PTTG2: variants seen among roughly 807,000 people sequenced by gnomAD.
PTTG2 encodes the protein pituitary tumor-transforming 2, also known as securin-2.
For missense variants in PTTG2, 218 were observed against 226.3 expected, an observed-to-expected ratio of 0.96 and a Z score of 0.23; for synonymous variants, 90 against 84.2, an observed-to-expected ratio of 1.07 and a Z score of -0.37.
In PTTG2 at chr4:37,961,054, T is replaced by C. The variant is rs747950164; in HGVS notation, c.*44T>C. ...TGACATAGATATTTAAATTTCTTAG[T>C]GCTTTGGAGTTTGTGTGTACTTGTA... On this transcript the variant is annotated 3_prime_UTR_variant, in exon 1 of 1. Transcript: ENST00000504686. 6.2e-7 allele frequency: 1 copy of C among 1,604,804 alleles called. No individual in the cohort carries two copies. Among genetic ancestry groups the C allele is most frequent in the South Asian group, 1.1e-5 (1 of 90,876 alleles).
rs895897742 is a variant in PTTG2, at chr4:37,961,116, A to G, written c.*106A>G. 1.4e-6 allele frequency: 2 copies of G among 1,469,992 alleles called. No individual in the cohort carries two copies. The highest frequency in any genetic ancestry group is 1.9e-6 in the Non-Finnish European group (2 of 1,061,344). The allele number at this position is 1,469,992 out of a possible 1,614,324, so 91.1% of individuals were successfully genotyped here. ...TTATTTGTTTAACAACATAATAAATACATAAATATAAAGTGGGTCATATTC... is the reference window on the plus strand; with the variant it reads ...TTATTTGTTTAACAACATAATAAATGCATAAATATAAAGTGGGTCATATTC... On this transcript the variant is annotated 3_prime_UTR_variant, in exon 1 of 1. Coordinates refer to ENST00000504686, the MANE Select transcript of PTTG2 (RefSeq NM_006607.3).
chr4:37,960,821 C>T lies in PTTG2; in HGVS notation c.387C>T (p.Asp129=), dbSNP rs1213831692. The T allele has an allele frequency of 3.1e-6, 5 of 1,614,160 alleles. No individual in the cohort carries two copies. Among genetic ancestry groups the T allele is most frequent in the Admixed American group, 1.7e-5 (1 of 60,012 alleles). The change falls in exon 1 of 1, where the codon GAC becomes GAT. Residue 129 remains aspartate, a synonymous_variant. Coordinates refer to ENST00000504686, the MANE Select transcript of PTTG2 (RefSeq NM_006607.3). ...ATCTTCTAGACTTTGAGAGTTTTGA[C>T]CTGCCTGAAGAGCGCCAGATTGCAC... The part of the protein sequence containing the change: ...PFNLLDFESF[D]LPEERQIAHL...
At position 37,960,794 on chromosome 4, in the gene PTTG2, C is replaced by T. The variant is rs919185477; in HGVS notation, c.360C>T (p.Phe120=). The change falls in exon 1 of 1, where the codon TTC becomes TTT. Residue 120 remains phenylalanine, a synonymous_variant. Transcript: ENST00000504686. The stretch of plus-strand genomic sequence containing the variant: ...CAGAAATAGAAAAATTCTTTCCCTT[C>T]AATCTTCTAGACTTTGAGAGTTTTG... ...AYPEIEKFFP[F]NLLDFESFDL... 2 of 1,614,002 alleles carry T rather than the reference C, an allele frequency of 1.2e-6. No individual in the cohort carries two copies. Among genetic ancestry groups the T allele is most frequent in the African/African-American group, 2.7e-5 (2 of 74,924 alleles).
At position 37,960,448 on chromosome 4, in the gene PTTG2, T is replaced by A. The variant is rs1384338355; in HGVS notation, c.14T>A (p.Ile5Asn). Residue 5 changes from isoleucine (I) to asparagine (N), a missense_variant, in exon 1 of 1, where the codon ATC (isoleucine) becomes AAC (asparagine). Ile to Asn is a moderately radical substitution (Grantham distance 149, BLOSUM62 -3). Transcript: ENST00000504686. Reference protein sequence around the residue: MATLIYVDKEIGEPG... With the variant: MATLNYVDKEIGEPG... The stretch of plus-strand genomic sequence containing the variant: ...CAATAATCCAGAATGGCTACTCTGA[T>A]CTACGTTGATAAGGAAATTGGAGAA... 1 of 1,613,472 alleles carries A rather than the reference T, an allele frequency of 6.2e-7. No homozygotes were observed. The highest frequency in any genetic ancestry group is 8.5e-7 in the Non-Finnish European group (1 of 1,179,696).
chr4:37,960,887 G>A lies in PTTG2; in HGVS notation c.453G>A (p.Glu151=), dbSNP rs369718004. The part of the protein sequence containing the change: ...LSGVPLMILD[E]EGELEKLFQL... ...GAGTGCCTCTCATGATCCTTGATGA[G>A]GAGGGAGAGCTTGAAAAGCTGTTTC... Residue 151 remains glutamate, a synonymous_variant, in exon 1 of 1, where the codon GAG becomes GAA. Coordinates refer to ENST00000504686, the MANE Select transcript of PTTG2 (RefSeq NM_006607.3). The A allele has an allele frequency of 1.2e-6, 2 of 1,614,088 alleles. No homozygotes were observed. Among genetic ancestry groups the A allele is most frequent in the African/African-American group, 1.3e-5 (1 of 74,924 alleles).
rs1428212069 is a variant in PTTG2, at chr4:37,960,692, A to G, written c.258A>G (p.Pro86=). Residue 86 remains proline, a synonymous_variant, in exon 1 of 1, where the codon CCA becomes CCG. Coordinates refer to ENST00000504686, the MANE Select transcript of PTTG2 (RefSeq NM_006607.3). ...ATGGACCCAGAAAACAAAAACAGCC[A>G]AGCTTTTCTGCCAAAAAGATGACCG... ...KTNGPRKQKQ[P]SFSAKKMTEK... is the part of the protein sequence containing the mutation. 1 of 1,614,228 alleles carries G rather than the reference A, an allele frequency of 6.2e-7. No homozygotes were observed. Among genetic ancestry groups the G allele is most frequent in the East Asian group, 2.2e-5 (1 of 44,896 alleles).
rs373204780 is a variant in PTTG2, at chr4:37,960,738, A to T, written c.304A>T (p.Ser102Cys). The change falls in exon 1 of 1, where the codon AGT (serine) becomes TGT (cysteine). Residue 102 changes from serine (S) to cysteine (C), a missense_variant. Coordinates refer to ENST00000504686, the MANE Select transcript of PTTG2 (RefSeq NM_006607.3). ...KMTEKTVKTKSSVPASDDAYP... is the reference protein window; with the variant it reads ...KMTEKTVKTKCSVPASDDAYP... The stretch of plus-strand genomic sequence containing the variant: ...GACCGAGAAGACTGTTAAAACAAAA[A>T]GTTCTGTTCCTGCCTCAGATGACGC... The T allele has an allele frequency of 2.5e-6, 4 of 1,614,058 alleles. No individual in the cohort carries two copies. The highest frequency in any genetic ancestry group is 3.4e-6 in the Non-Finnish European group (4 of 1,180,038).
Position 37,960,723 on chromosome 4 carries a change from A to G in PTTG2, c.289A>G (p.Thr97Ala). The change falls in exon 1 of 1, where the codon ACT becomes GCT. Residue 97 changes from threonine to alanine, a missense_variant. Thr to Ala is a moderately conservative substitution (Grantham distance 58, BLOSUM62 0). Transcript: ENST00000504686. Reference sequence around the variant, plus strand: ...TTCTGCCAAAAAGATGACCGAGAAGACTGTTAAAACAAAAAGTTCTGTTCC... The same window carrying G: ...TTCTGCCAAAAAGATGACCGAGAAGGCTGTTAAAACAAAAAGTTCTGTTCC... ...SFSAKKMTEK[T>A]VKTKSSVPAS... 6.2e-7 allele frequency: 1 copy of G among 1,614,184 alleles called. No individual in the cohort carries two copies. The highest frequency in any genetic ancestry group is 8.5e-7 in the Non-Finnish European group (1 of 1,180,038).
Position 37,960,920 on chromosome 4 carries a change from C to T in PTTG2, c.486C>T (p.Gly162=), listed in dbSNP as rs768533112. Reference sequence around the variant, plus strand: ...AGCTTGAAAAGCTGTTTCAGCTGGGCCCCCCTTCACCTGTGAAAATGCCCT... The same window carrying T: ...AGCTTGAAAAGCTGTTTCAGCTGGGTCCCCCTTCACCTGTGAAAATGCCCT... The part of the protein sequence containing the change: ...EGELEKLFQL[G]PPSPVKMPSP... The change falls in exon 1 of 1, where the codon GGC becomes GGT. Residue 162 remains glycine, a synonymous_variant. Transcript: ENST00000504686. The T allele has an allele frequency of 2.2e-5, 35 of 1,613,970 alleles. No individual in the cohort carries two copies. The East Asian group carries it at 6.7e-4, about 31-fold the overall frequency.
Position 37,961,032 on chromosome 4 carries a change from C to T in PTTG2, c.*22C>T. 1 of 1,613,022 alleles carries T rather than the reference C, an allele frequency of 6.2e-7. No individual in the cohort carries two copies. The highest frequency in any genetic ancestry group is 1.1e-5 in the South Asian group (1 of 91,058). On this transcript the variant is annotated 3_prime_UTR_variant, in exon 1 of 1. Transcript: ENST00000504686. ...TTGAATTGCCAGCTGTTTGCTATGA[C>T]ATAGATATTTAAATTTCTTAGTGCT... is the stretch of plus-strand genomic sequence containing the variant.
In PTTG2 at chr4:37,960,421, G is replaced by A. The variant is rs771795685; in HGVS notation, c.-14G>A. The A allele has an allele frequency of 2.1e-5, 34 of 1,601,500 alleles. No individual in the cohort carries two copies. Among genetic ancestry groups the A allele is most frequent in the South Asian group, 1.0e-4 (9 of 88,968 alleles). On this transcript the variant is annotated 5_prime_UTR_variant, in exon 1 of 1. Coordinates refer to ENST00000504686, the MANE Select transcript of PTTG2 (RefSeq NM_006607.3). The stretch of plus-strand genomic sequence containing the variant: ...TTAGATGAATGTGGCTGTTGAGAGC[G>A]GCAATAATCCAGAATGGCTACTCTG...
At chr4:37,960,800 TC>T in the PTTG2 span, 4 of 1,614,164 alleles carry the variant, frequency 2.5e-6, no homozygotes, top group South Asian at 4.4e-5. Context: ...CCTTCAATCT[TC>T]TAGACTTTGA....
Position 37,960,769 on chromosome 4 carries a change from C to A in PTTG2, c.335C>A (p.Pro112Gln). 2.5e-6 allele frequency: 4 copies of A among 1,614,112 alleles called. No homozygotes were observed. The highest frequency in any genetic ancestry group is 2.5e-6 in the Non-Finnish European group (3 of 1,180,014). Residue 112 changes from proline to glutamine, a missense_variant, in exon 1 of 1, where the codon CCA (proline) becomes CAA (glutamine). Physicochemically the swap from Pro to Gln is moderately conservative, Grantham distance 76. Coordinates refer to ENST00000504686, the MANE Select transcript of PTTG2 (RefSeq NM_006607.3). ...SSVPASDDAY[P>Q]EIEKFFPFNL... ...GTTCCTGCCTCAGATGACGCCTATC[C>A]AGAAATAGAAAAATTCTTTCCCTTC...
In PTTG2 at chr4:37,960,563, A is replaced by G. The variant is rs1450804889; in HGVS notation, c.129A>G (p.Thr43=). 6.2e-7 allele frequency: 1 copy of G among 1,614,192 alleles called. No homozygotes were observed. The highest frequency in any genetic ancestry group is 1.1e-5 in the South Asian group (1 of 91,084). ...KALDGISQVL[T]RRFGKTYDAP... is the part of the protein sequence containing the mutation. ...TAGATGGGATATCTCAAGTTTTAACACGACGTTTTGGCAAAACATACGATG... is the reference window on the plus strand; with the variant it reads ...TAGATGGGATATCTCAAGTTTTAACGCGACGTTTTGGCAAAACATACGATG... Residue 43 remains threonine (T), a synonymous_variant, in exon 1 of 1, where the codon ACA becomes ACG. Coordinates refer to ENST00000504686, the MANE Select transcript of PTTG2 (RefSeq NM_006607.3).
chr4:37,960,739 G>A lies in PTTG2; in HGVS notation c.305G>A (p.Ser102Asn), dbSNP rs752487293. ...KMTEKTVKTKSSVPASDDAYP... is the reference protein window; with the variant it reads ...KMTEKTVKTKNSVPASDDAYP... Reference sequence around the variant, plus strand: ...ACCGAGAAGACTGTTAAAACAAAAAGTTCTGTTCCTGCCTCAGATGACGCC... The same window carrying A: ...ACCGAGAAGACTGTTAAAACAAAAAATTCTGTTCCTGCCTCAGATGACGCC... The change falls in exon 1 of 1, where the codon AGT (serine) becomes AAT (asparagine). Residue 102 changes from serine to asparagine, a missense_variant. Transcript: ENST00000504686. 1 of 1,614,144 alleles carries A rather than the reference G, an allele frequency of 6.2e-7. No individual in the cohort carries two copies. The highest frequency in any genetic ancestry group is 1.1e-5 in the South Asian group (1 of 91,078).
Position 37,960,635 on chromosome 4 carries a change from C to T in PTTG2, c.201C>T (p.Val67=), listed in dbSNP as rs771251893. The change falls in exon 1 of 1, where the codon GTC becomes GTT. Residue 67 remains valine, a synonymous_variant. Transcript: ENST00000504686. ...PKATRKALGT[V]NRATEKSVKT... Reference sequence around the variant, plus strand: ...CTACCAGAAAGGCTTTGGGCACTGTCAACAGAGCTACAGAAAAGTCAGTAA... The same window carrying T: ...CTACCAGAAAGGCTTTGGGCACTGTTAACAGAGCTACAGAAAAGTCAGTAA... 2 of 1,614,102 alleles carry T rather than the reference C, an allele frequency of 1.2e-6. No individual in the cohort carries two copies. Among genetic ancestry groups the T allele is most frequent in the Non-Finnish European group, 1.7e-6 (2 of 1,180,022 alleles).
rs373170569 is a variant in PTTG2 at position 37,960,763 on chromosome 4, C to T, written c.329C>T (p.Ala110Val). Residue 110 changes from alanine to valine, a missense_variant, in exon 1 of 1, where the codon GCC becomes GTC. Coordinates refer to ENST00000504686, the MANE Select transcript of PTTG2 (RefSeq NM_006607.3). Reference protein sequence around the residue: ...TKSSVPASDDAYPEIEKFFPF... With the variant: ...TKSSVPASDDVYPEIEKFFPF... ...AGTTCTGTTCCTGCCTCAGATGACG[C>T]CTATCCAGAAATAGAAAAATTCTTT... is the stretch of plus-strand genomic sequence containing the variant. The T allele has an allele frequency of 1.3e-5, 21 of 1,613,984 alleles. No individual in the cohort carries two copies. Among genetic ancestry groups the T allele is most frequent in the East Asian group, 2.2e-5 (1 of 44,896 alleles).
Position 37,961,029 on chromosome 4 carries a change from T to C in PTTG2, c.*19T>C. 6.2e-7 allele frequency: 1 copy of C among 1,613,524 alleles called. No individual in the cohort carries two copies. Among genetic ancestry groups the C allele is most frequent in the Non-Finnish European group, 8.5e-7 (1 of 1,179,372 alleles). ...ATGTTGAATTGCCAGCTGTTTGCTA[T>C]GACATAGATATTTAAATTTCTTAGT... On this transcript the variant is annotated 3_prime_UTR_variant, in exon 1 of 1. Coordinates refer to ENST00000504686, the MANE Select transcript of PTTG2 (RefSeq NM_006607.3).
At position 37,960,625 on chromosome 4, in the gene PTTG2, T is replaced by C; in HGVS notation, c.191T>C (p.Leu64Ser). 2.5e-6 allele frequency: 4 copies of C among 1,614,194 alleles called. No homozygotes were observed. Among genetic ancestry groups the C allele is most frequent in the Non-Finnish European group, 3.4e-6 (4 of 1,180,040 alleles). ...SALPKATRKA[L>S]GTVNRATEKS... The stretch of plus-strand genomic sequence containing the variant: ...TTACCTAAAGCTACCAGAAAGGCTT[T>C]GGGCACTGTCAACAGAGCTACAGAA... Residue 64 changes from leucine to serine, a missense_variant, in exon 1 of 1, where the codon TTG becomes TCG. Physicochemically the swap from Leu to Ser is moderately radical, Grantham distance 145. Transcript: ENST00000504686.
Sources: allele counts gnomAD v4.1 joint callset, GRCh38; gene constraint gnomAD v4.1.1; transcripts MANE v1.5; gene names NCBI Gene and HGNC (gene_info 2026-07-23, HGNC 2026-07-21).